Variants in PDE4DIP observed in about 807,000 individuals in gnomAD.
The protein encoded by PDE4DIP is phosphodiesterase 4D interacting protein, also known as myomegalin.
Under a neutral mutation model 221.4 loss-of-function variants are expected in PDE4DIP, and 59 were observed. The observed-to-expected ratio is 0.27, with a 90% CI of 0.22 to 0.33. The LOEUF (loss-of-function observed/expected upper bound fraction) is 0.33. Ranked by LOEUF, PDE4DIP falls within the 10% of genes least tolerant of loss-of-function variation. The pLI, the probability that PDE4DIP is intolerant of heterozygous loss-of-function variation, is 1.00. For synonymous variants in PDE4DIP, 404 were observed against 815.9 expected, an observed-to-expected ratio of 0.50 and a Z score of 8.60; for missense variants, 1,036 against 2,154.2, an observed-to-expected ratio of 0.48 and a Z score of 10.28.
chr1:148,940,958 T>C (rs2050396418), intron 5 of PDE4DIP, among the ~76,000 whole-genome samples: 1 of 148,464 alleles, frequency 6.7e-6, no homozygotes, highest in South Asian at 2.2e-4. Flanking sequence ...CCAAAAGTCA[T>C]TTGGAATTTG....
chr1:149,023,162 T>C (rs587654426), intron 37 of PDE4DIP, among the ~76,000 whole-genome samples: 1 of 151,994 alleles, frequency 6.6e-6, no homozygotes, highest in African/African-American at 2.4e-5. Context: ...CCATAATCTC[T>C]TATCTGTAAT....
At chr1:149,005,078 G>T (rs1355076675) in exon 27 of PDE4DIP, 2 of 1,613,084 alleles carry the variant, frequency 1.2e-6, no homozygotes, top group Non-Finnish European at 1.7e-6. Context: ...AAAACATCTT[G>T]GTCCTACGAA....
Position 148,992,787 on chromosome 1 carries a change from T to C in PDE4DIP, c.2904+814T>C, listed in dbSNP as rs61809682. The C allele has an allele frequency of 1.3e-4, 110 of 852,838 alleles. No individual in the cohort carries two copies. In the African/African-American group the frequency reaches 1.7e-3, roughly 13 times the overall value. 52.8% of individuals were successfully genotyped at this position (852,838 alleles called of 1,614,324 possible). ...GAAAGTGAATCATTGGTAGATATCC[T>C]GCACAAGCAGCTGGACTTTCCAGTA... On this transcript the variant is annotated intron_variant, in intron 22 of 43. Transcript: ENST00000369354.
At chr1:148,976,113 T>C (rs1251307404) in intron 17 of PDE4DIP, among the ~76,000 whole-genome samples, 1 of 152,184 alleles carries the variant, frequency 6.6e-6, no homozygotes, top group Non-Finnish European at 1.5e-5. Flanking sequence ...CCACATCCTC[T>C]TCCTGTTTTT....
At chr1:148,961,285 G>T (rs1553509660) in intron 6 of PDE4DIP, among the ~76,000 whole-genome samples, 1 of 152,210 alleles carries the variant, frequency 6.6e-6, no homozygotes, top group African/African-American at 2.4e-5. Flanking sequence ...TCAGGCCTGG[G>T]CAACAGAGAG....
At chr1:149,006,105 C>T (rs1386557878) in intron 27 of PDE4DIP, among the ~76,000 whole-genome samples, 8 of 152,098 alleles carry the variant, frequency 5.3e-5, no homozygotes, top group African/African-American at 1.9e-4. Flanking sequence ...TGCACTCCAG[C>T]CTGGGTGACA....
chr1:148,933,686 C>G (rs2048569979), intron 4 of PDE4DIP, among the ~76,000 whole-genome samples: 1 of 152,244 alleles, frequency 6.6e-6, no homozygotes, highest in East Asian at 1.9e-4. Context: ...CCAATGTGAT[C>G]TTTCCAAGAC....
intron 9 of PDE4DIP, among the ~76,000 whole-genome samples, chr1:148,963,923 ATTTT>A: frequency 6.9e-6 from 1 of 145,494 alleles, no homozygotes; most frequent in Non-Finnish European, 1.5e-5. Flanking sequence ...CGCCCGGCTA[ATTTT>A]TTTTGCATTT....
Position 148,837,464 on chromosome 1 carries a change from G to A in PDE4DIP, c.234-25786G>A, listed in dbSNP as rs12040202. 1.2e-4 allele frequency among the ~76,000 whole-genome samples: 14 copies of A among 118,734 alleles called. 2 individuals carry two copies. The highest frequency in any genetic ancestry group is 2.8e-4 in the African/African-American group (8 of 29,052). The allele number at this position is 118,734 out of a possible 152,430, so 77.9% of individuals were successfully genotyped here. On this transcript the variant is annotated intron_variant, in intron 1 of 45. Coordinates refer to the PDE4DIP transcript ENST00000524974. ...CCCAGGTTCAGGAGTTTATGGCCTA[G>A]AACTGCATTCTATTGGTCAAGCAAG...
chr1:148,961,089 G>A (rs1302149478), intron 6 of PDE4DIP, among the ~76,000 whole-genome samples: 2 of 152,214 alleles, frequency 1.3e-5, no homozygotes, highest in Non-Finnish European at 2.9e-5. Flanking sequence ...GGCGGATCAC[G>A]AGGTCAGGAG....
At chr1:148,950,419 C>T (rs1433342468) in intron 5 of PDE4DIP, among the ~76,000 whole-genome samples, 1 of 152,282 alleles carries the variant, frequency 6.6e-6, no homozygotes, top group Non-Finnish European at 1.5e-5. Context: ...TCAGAATATA[C>T]ATAGTAGATG....
At position 148,831,983 on chromosome 1, in the gene PDE4DIP, GGTA is replaced by G. The variant is rs2149987982; in HGVS notation, c.233+23248_233+23250del. Among the ~76,000 whole-genome samples the G allele has an allele frequency of 1.6e-5, 2 of 128,136 alleles. 1 individual carries two copies. Among genetic ancestry groups the G allele is most frequent in the South Asian group, 5.8e-4 (2 of 3,456 alleles). The allele number at this position is 128,136 out of a possible 152,430, so 84.1% of individuals were successfully genotyped here. A position where few individuals can be genotyped will look rare whatever the true frequency, so the allele number is the denominator to read the frequency against. On this transcript the variant is annotated intron_variant, in intron 1 of 45. Transcript: ENST00000524974. ...TTCCAATTCTGTGAAGAAAGTCATTGGTAGCTTGATGGGGATGGCATTGAATCT... is the reference window on the plus strand; with the variant it reads ...TTCCAATTCTGTGAAGAAAGTCATTGGCTTGATGGGGATGGCATTGAATCT...
exon 23 of PDE4DIP, chr1:148,998,300 G>C: frequency 6.2e-7 from 1 of 1,613,216 alleles, no homozygotes; most frequent in Admixed American, 1.7e-5. Flanking sequence ...GAAGAGAAGA[G>C]GAAAGCTGAG....
chr1:148,919,803 A>T (rs1376092100), intron 1 of PDE4DIP, among the ~76,000 whole-genome samples: 3 of 150,442 alleles, frequency 2.0e-5, no homozygotes, highest in Non-Finnish European at 4.4e-5. Context: ...ATTATTTTTT[A>T]AAAATTCCTT....
At chr1:149,012,842 G>A (rs1168400056) in intron 32 of PDE4DIP, 66 bp downstream of exon 35, 15 of 918,600 alleles carry the variant, frequency 1.6e-5, no homozygotes, top group Admixed American at 7.5e-5. Context: ...TGCATGGCTC[G>A]GGCTGGATGG....
At chr1:149,028,819 G>T (rs1187046256) in intron 41 of PDE4DIP, 116 bp downstream of exon 44, 8 of 649,846 alleles carry the variant, frequency 1.2e-5, no homozygotes, top group Admixed American at 2.6e-5. Flanking sequence ...AGTGAGTTGG[G>T]ATAGACAGGA....
rs781919064 is a variant in PDE4DIP, at chr1:148,968,827, C to T, written c.1786-9C>T. 7.5e-6 allele frequency: 12 copies of T among 1,598,346 alleles called. No individual in the cohort carries two copies. Among genetic ancestry groups the T allele is most frequent in the Non-Finnish European group, 1.0e-5 (12 of 1,168,174 alleles). On this transcript the variant is annotated splice_polypyrimidine_tract_variant and intron_variant, in intron 13 of 43. Coordinates refer to ENST00000369354, the Ensembl canonical transcript of PDE4DIP. ...CCTCCAGAAGCTTACAGTGTCCTTT[C>T]TGCATTAGGATCTTAGTGCAACACT...
chr1:149,009,548 G>A lies in PDE4DIP; in HGVS notation c.4704-20G>A, dbSNP rs1553602727. 2 of 1,533,688 alleles carry A rather than the reference G, an allele frequency of 1.3e-6. No individual in the cohort carries two copies. The highest frequency in any genetic ancestry group is 1.8e-6 in the Non-Finnish European group (2 of 1,113,802). ...TTCGGTGACCTTGGTTTTACCCGTT[G>A]TCCCCCTTCTCCCCACCAGGCTCAG... On this transcript the variant is annotated intron_variant, in intron 29 of 43. Coordinates refer to ENST00000369354, the Ensembl canonical transcript of PDE4DIP.
intron 21 of PDE4DIP, chr1:148,989,492 A>G (rs1156816257): frequency 0.14 from 25,602 of 176,858 alleles, 1 homozygote; most frequent in Non-Finnish European, 0.18. Context: ...TGGAGGGCAG[A>G]AAGTGTCAGA....
Sources: allele counts gnomAD v4.1 joint callset (sites outside exome capture counted in the v4.1 genomes callset), GRCh38; gene constraint gnomAD v4.1.1; transcripts MANE v1.5; gene names NCBI Gene and HGNC (gene_info 2026-07-23, HGNC 2026-07-21).